Variants in ASB5 observed in about 807,000 individuals in gnomAD.
The protein encoded by ASB5 is ankyrin repeat and SOCS box protein 5.
Under a neutral mutation model 42.1 loss-of-function variants are expected in ASB5, and 45 were observed. The observed-to-expected ratio is 1.07, with a 90% CI of 0.84 to 1.37. ASB5 has a LOEUF of 1.37. ASB5 is among the 40% of genes most tolerant of loss of function. The pLI is 0.00. For missense variants in ASB5, 402 were observed against 399.8 expected (o/e 1.01, Z -0.05); for synonymous variants, 147 against 150.6 (o/e 0.98, Z 0.18).
intron 1 of ASB5, among the ~76,000 whole-genome samples, chr4:176,255,370 T>C (rs1238628862): frequency 6.6e-6 from 1 of 152,198 alleles, no homozygotes; most frequent in Non-Finnish European, 1.5e-5. Flanking sequence ...ACTGGGTATA[T>C]ACCTAAAAGA....
At chr4:176,266,575 A>G (rs1208536719) in intron 1 of ASB5, among the ~76,000 whole-genome samples, 1 of 152,182 alleles carries the variant, frequency 6.6e-6, no homozygotes. Context: ...TAGAAGATTA[A>G]GAAAGAGTTT....
chr4:176,251,647 A>G (rs982601934), intron 1 of ASB5, among the ~76,000 whole-genome samples: 9 of 148,568 alleles, frequency 6.1e-5, no homozygotes, highest in Non-Finnish European at 8.9e-5. Context: ...AATGTATTCA[A>G]TTAAAAATGG....
intron 1 of ASB5, among the ~76,000 whole-genome samples, chr4:176,246,035 T>C (rs1391563862): frequency 2.3e-5 from 1 of 43,226 alleles, no homozygotes; most frequent in Non-Finnish European, 5.5e-5. Context: ...ACCCTAGAAC[T>C]TAAAGTATAT....
chr4:176,218,487 T>C (rs182598742), intron 5 of ASB5, among the ~76,000 whole-genome samples: 2,656 of 57,500 alleles, frequency 0.046, no homozygotes, highest in Admixed American at 0.076. Context: ...TTGTATGATA[T>C]ATAAATATAT....
chr4:176,245,475 G>A (rs752588102), intron 1 of ASB5, among the ~76,000 whole-genome samples: 12 of 152,164 alleles, frequency 7.9e-5, no homozygotes, highest in Middle Eastern at 3.2e-3. Flanking sequence ...CAACCATTGT[G>A]GAAGACAGTG....
At chr4:176,245,420 G>C (rs1258474638) in intron 1 of ASB5, among the ~76,000 whole-genome samples, 1 of 152,176 alleles carries the variant, frequency 6.6e-6, no homozygotes, top group African/African-American at 2.4e-5. Flanking sequence ...AGGATGTGGA[G>C]AAATAGGAAT....
intron 1 of ASB5, among the ~76,000 whole-genome samples, chr4:176,227,275 A>G (rs915476895): frequency 6.6e-6 from 1 of 152,248 alleles, no homozygotes; most frequent in African/African-American, 2.4e-5. Flanking sequence ...GTACACACAT[A>G]GTAAACACCA....
chr4:176,240,775 G>A (rs1485506881), intron 1 of ASB5, among the ~76,000 whole-genome samples: 1 of 152,142 alleles, frequency 6.6e-6, no homozygotes, highest in Admixed American at 6.5e-5. Context: ...CCAAGAAGTG[G>A]TATTTAGATA....
At chr4:176,237,253 T>C (rs1753708780) in intron 1 of ASB5, 4 of 983,994 alleles carry the variant, frequency 4.1e-6, no homozygotes, top group Non-Finnish European at 4.8e-6. Flanking sequence ...ATGTGGTTTA[T>C]TTCAGGACAC....
At chr4:176,226,593 T>C (rs1753385204) in intron 1 of ASB5, among the ~76,000 whole-genome samples, 1 of 152,190 alleles carries the variant, frequency 6.6e-6, no homozygotes, top group Non-Finnish European at 1.5e-5. Flanking sequence ...TATCAGCTAT[T>C]GGTTCTGTCT....
chr4:176,220,395 C>T (rs991043728), intron 5 of ASB5, among the ~76,000 whole-genome samples: 1 of 152,048 alleles, frequency 6.6e-6, no homozygotes, highest in Non-Finnish European at 1.5e-5. Context: ...GAATGATTCT[C>T]ATAAACAATA....
rs1329153329 is a variant in ASB5 at position 176,214,763 on chromosome 4, A to C, written c.*837T>G. The C allele has an allele frequency of 6.6e-6, 1 of 152,104 alleles. No individual in the cohort carries two copies. The highest frequency in any genetic ancestry group is 1.5e-5 in the Non-Finnish European group (1 of 68,022). 9.4% of individuals were successfully genotyped at this position (152,104 alleles called of 1,614,324 possible). ...GGGCCTGTTTGTTAATTAGATATAT[A>C]GTTCATTTTCTTAAGTCCAAGTATC... On this transcript the variant is annotated 3_prime_UTR_variant, in exon 7 of 7. Transcript: ENST00000296525.
At chr4:176,233,330 G>A (rs1753598021) in intron 1 of ASB5, among the ~76,000 whole-genome samples, 1 of 152,144 alleles carries the variant, frequency 6.6e-6, no homozygotes, top group South Asian at 2.1e-4. Flanking sequence ...ACATGCATAT[G>A]GATTACTCTA....
At chr4:176,223,310 T>C (rs543216513) in intron 2 of ASB5, among the ~76,000 whole-genome samples, 12 of 152,150 alleles carry the variant, frequency 7.9e-5, no homozygotes, top group Non-Finnish European at 1.6e-4. Flanking sequence ...ATTTGAAGAT[T>C]ATCATGACAA....
intron 1 of ASB5, among the ~76,000 whole-genome samples, chr4:176,262,743 T>C (rs950440822): frequency 6.6e-6 from 1 of 152,192 alleles, no homozygotes; most frequent in African/African-American, 2.4e-5. Context: ...ACCTGGTAGA[T>C]ACATAAATAA....
intron 1 of ASB5, among the ~76,000 whole-genome samples, chr4:176,245,444 T>C (rs913114053): frequency 2.6e-5 from 4 of 152,174 alleles, no homozygotes; most frequent in Non-Finnish European, 5.9e-5. Flanking sequence ...TTTACACTGT[T>C]GGTGGGAGTA....
At chr4:176,250,056 C>T (rs1968854) in intron 1 of ASB5, among the ~76,000 whole-genome samples, 17 of 133,084 alleles carry the variant, frequency 1.3e-4, no homozygotes, top group African/African-American at 5.0e-4. Context: ...CAGAGTGAGA[C>T]TCCATCTCAA....
chr4:176,231,639 A>G (rs1753546422), intron 1 of ASB5, among the ~76,000 whole-genome samples: 1 of 144,222 alleles, frequency 6.9e-6, no homozygotes, highest in Non-Finnish European at 1.5e-5. Flanking sequence ...CCTGGGCAAC[A>G]TAGTGAGAAC....
At chr4:176,252,084 GAAAA>G (rs57692791) in intron 1 of ASB5, among the ~76,000 whole-genome samples, 3 of 107,784 alleles carry the variant, frequency 2.8e-5, no homozygotes, top group Non-Finnish European at 5.4e-5. Context: ...AAAAAAAAAA[GAAAA>G]AAAAAAAAAG....
Sources: gnomAD v4.1 joint callset for allele counts (sites outside exome capture counted in the v4.1 genomes callset) on GRCh38, gnomAD v4.1.1 for gene constraint, MANE v1.5 for transcripts, NCBI Gene and HGNC (gene_info 2026-07-23, HGNC 2026-07-21) for gene names.